Variants in LRRC49 observed in about 807,000 individuals in gnomAD.
LRRC49 encodes the protein leucine rich repeat containing 49, also known as leucine-rich repeat-containing protein 49.
A neutral mutation model predicts 83.3 loss-of-function variants in LRRC49; 50 were observed. The observed-to-expected ratio is 0.60, with a 90% CI of 0.48 to 0.76. The LOEUF (loss-of-function observed/expected upper bound fraction) is 0.76, where lower values mean the gene tolerates loss of function less well. Ranked by LOEUF, LRRC49 falls within the 30% of genes least tolerant of loss-of-function variation. The probability of loss-of-function intolerance (pLI) is 0.00; values close to 1 mark genes in which losing one functional copy is unlikely to be tolerated. For synonymous variants in LRRC49, 286 were observed against 283.3 expected, an observed-to-expected ratio of 1.01 and a Z score of -0.10; for missense variants, 704 against 809.1, an observed-to-expected ratio of 0.87 and a Z score of 1.58.
At chr15:70,936,420 A>C (rs372068763) in intron 7 of LRRC49, 10 of 204,086 alleles carry the variant, frequency 4.9e-5, no homozygotes, top group African/African-American at 2.3e-4. Context: ...GATTTTTAAC[A>C]AATGTTTGAT....
intron 1 of LRRC49, chr15:70,872,765 G>C (rs945955085): frequency 1.2e-5 from 2 of 166,688 alleles, no homozygotes; most frequent in Non-Finnish European, 2.6e-5. Flanking sequence ...ACTGAGGAGA[G>C]TGATTTGCAT....
At chr15:70,864,273 C>T (rs1208180276) in intron 1 of LRRC49, among the ~76,000 whole-genome samples, 2 of 152,104 alleles carry the variant, frequency 1.3e-5, no homozygotes, top group Admixed American at 6.5e-5. Context: ...CTCCATTTGT[C>T]ATCACTTTTA....
chr15:70,874,837 C>G (rs1018430245), intron 2 of LRRC49, among the ~76,000 whole-genome samples: 2 of 152,230 alleles, frequency 1.3e-5, no homozygotes, highest in Non-Finnish European at 2.9e-5. Context: ...TGATAGATCC[C>G]TATCATTCTT....
chr15:70,920,579 C>T (rs146997793), intron 7 of LRRC49, among the ~76,000 whole-genome samples: 1 of 152,300 alleles, frequency 6.6e-6, no homozygotes, highest in Non-Finnish European at 1.5e-5. Flanking sequence ...GAACAGGAAT[C>T]TATTGGCCCT....
chr15:71,034,266 A>G (rs763654797), intron 14 of LRRC49, among the ~76,000 whole-genome samples: 9 of 152,374 alleles, frequency 5.9e-5, no homozygotes, highest in Non-Finnish European at 1.2e-4. Context: ...TTATGTGGCC[A>G]ACAAACATAT....
chr15:70,874,741 A>G (rs1233996745), intron 2 of LRRC49, among the ~76,000 whole-genome samples: 2 of 152,252 alleles, frequency 1.3e-5, no homozygotes, highest in Non-Finnish European at 2.9e-5. Flanking sequence ...TGTGAAAGGA[A>G]TAAGTCTACA....
At chr15:70,859,948 T>C in intron 1 of LRRC49, 1 of 765,126 alleles carries the variant, frequency 1.3e-6, no homozygotes, top group Middle Eastern at 3.5e-4. Context: ...TGACAATCCA[T>C]ACGAAGACCA....
rs1009005999 is a variant in LRRC49, at chr15:70,860,078, G to A, written c.-299+6609G>A. 2.7e-5 allele frequency: 20 copies of A among 728,780 alleles called. No individual in the cohort carries two copies. In the East Asian group the frequency reaches 3.7e-4, roughly 13 times the overall value. The allele number at this position is 728,780 out of a possible 1,614,324, so 45.1% of individuals were successfully genotyped here. On this transcript the variant is annotated intron_variant, in intron 1 of 16. Coordinates refer to the LRRC49 transcript ENST00000544974. ...AGGCTCCAGCTCCTTCAGCCGCACC[G>A]GCTCCACCAGGGCTGTGGTTGAAGA...
intron 9 of LRRC49, among the ~76,000 whole-genome samples, chr15:70,978,563 C>A (rs2037288607): frequency 6.6e-6 from 1 of 152,140 alleles, no homozygotes; most frequent in Admixed American, 6.6e-5. Flanking sequence ...GAATAACCAT[C>A]AGGTTTTAAA....
chr15:70,864,768 T>C, intron 1 of LRRC49, among the ~76,000 whole-genome samples: 1 of 152,198 alleles, frequency 6.6e-6, no homozygotes, highest in Middle Eastern at 3.2e-3. Context: ...AAAATGTAAC[T>C]CTTTGGGGTG....
chr15:70,954,265 T>C (rs975385401), intron 8 of LRRC49, among the ~76,000 whole-genome samples: 15 of 152,248 alleles, frequency 9.9e-5, no homozygotes, highest in Non-Finnish European at 1.5e-5. Flanking sequence ...TTGAAATTCC[T>C]GGAATTTTTC....
At chr15:71,048,071 G>C (rs867566505) in intron 15 of LRRC49, among the ~76,000 whole-genome samples, 1 of 140,872 alleles carries the variant, frequency 7.1e-6, no homozygotes, top group Non-Finnish European at 1.5e-5. Context: ...CCACTGCACC[G>C]GGCCAAATTT....
Position 70,952,810 on chromosome 15 carries a change from C to A in LRRC49, c.774-10975C>A, listed in dbSNP as rs2036267306. Among the ~76,000 whole-genome samples the A allele has an allele frequency of 1.3e-5, 2 of 152,048 alleles. 1 individual carries two copies. The highest frequency in any genetic ancestry group is 4.8e-5 in the African/African-American group (2 of 41,400). ...AACTTTTTTTTAAAATCTGGGTGCT[C>A]CACTGTTGGGTTGGGTGTGTATATA... On this transcript the variant is annotated intron_variant, in intron 8 of 15. Coordinates refer to ENST00000260382, the MANE Select transcript of LRRC49 (RefSeq NM_017691.5).
chr15:70,866,511 C>A (rs4542614), intron 1 of LRRC49, among the ~76,000 whole-genome samples: 83,079 of 151,964 alleles, frequency 0.55, 23,475 homozygotes, highest in Admixed American at 0.69. Context: ...TTCACTGAGT[C>A]TTATTAGGTT....
At chr15:70,969,398 G>C (rs572178787) in intron 9 of LRRC49, among the ~76,000 whole-genome samples, 1 of 152,154 alleles carries the variant, frequency 6.6e-6, no homozygotes, top group Non-Finnish European at 1.5e-5. Flanking sequence ...TTGTAGTATA[G>C]TTTGAAGTCA....
chr15:70,891,618 T>TGTGTGA (rs930540936), upstream of LRRC49, among the ~76,000 whole-genome samples: 8 of 127,654 alleles, frequency 6.3e-5, no homozygotes, highest in South Asian at 2.5e-4. Context: ...TGTGTGTGTG[T>TGTGTGA]GAGTTTTGGG....
chr15:71,038,522 G>A (rs1273849922), intron 15 of LRRC49, among the ~76,000 whole-genome samples: 1 of 151,858 alleles, frequency 6.6e-6, no homozygotes, highest in Non-Finnish European at 1.5e-5. Context: ...TGTCTCTTTG[G>A]AACCCATAGG....
chr15:71,048,957 AG>A lies in LRRC49; in HGVS notation c.1858-449del. ...ACCATTTTATGCTTTCCCATAATAG[AG>A]GGTAAATTCAGAGTATACATACTTA... On this transcript the variant is annotated intron_variant, in intron 15 of 15. Transcript: ENST00000260382. 3 of 407,664 alleles carry A rather than the reference AG, an allele frequency of 7.4e-6. No individual in the cohort carries two copies. The East Asian group carries it at 2.1e-4, about 29-fold the overall frequency. The allele number at this position is 407,664 out of a possible 1,614,324, so 25.3% of individuals were successfully genotyped here. A position where few individuals can be genotyped will look rare whatever the true frequency, so the allele number is the denominator to read the frequency against.
chr15:70,960,456 A>G (rs1050935025), intron 8 of LRRC49, among the ~76,000 whole-genome samples: 1 of 152,214 alleles, frequency 6.6e-6, no homozygotes, highest in Admixed American at 6.5e-5. Flanking sequence ...TCATGTTCTT[A>G]TCAGAGCAAA....
Sources: gnomAD v4.1 joint callset for allele counts (sites outside exome capture counted in the v4.1 genomes callset) on GRCh38, gnomAD v4.1.1 for gene constraint, MANE v1.5 for transcripts, NCBI Gene and HGNC (gene_info 2026-07-23, HGNC 2026-07-21) for gene names.